Variants in DNAJC5B observed in about 807,000 individuals in gnomAD.
The protein encoded by DNAJC5B is dnaJ homolog subfamily C member 5B.
Under a neutral mutation model 24.7 loss-of-function variants are expected in DNAJC5B, and 23 were observed. The observed-to-expected ratio is 0.93, with a 90% CI of 0.67 to 1.32. The LOEUF is 1.32. Ranked by LOEUF, DNAJC5B falls within the 40% of genes most tolerant of loss-of-function variation. The probability of loss-of-function intolerance (pLI) is 0.00; values close to 1 mark genes in which losing one functional copy is unlikely to be tolerated. For synonymous variants in DNAJC5B, 101 were observed against 90.1 expected (o/e 1.12, Z -0.68); for missense variants, 238 against 240.8 (o/e 0.99, Z 0.08).
intron 5 of DNAJC5B, among the ~76,000 whole-genome samples, chr8:66,097,938 C>T (rs77563415): frequency 6.6e-6 from 1 of 152,182 alleles, no homozygotes; most frequent in South Asian, 2.1e-4. Context: ...CAACCTCCAC[C>T]TCCTGGGTTC....
intron 3 of DNAJC5B, among the ~76,000 whole-genome samples, chr8:66,064,223 C>T (rs1032433730): frequency 7.9e-5 from 12 of 152,072 alleles, no homozygotes; most frequent in Admixed American, 2.0e-4. Flanking sequence ...GAGAGCTTGA[C>T]GTAAAGATCA....
intron 3 of DNAJC5B, 83 bp downstream of exon 3, chr8:66,051,749 T>C: frequency 9.3e-7 from 1 of 1,070,618 alleles, no homozygotes; most frequent in South Asian, 1.4e-5. Context: ...AGACATAAGC[T>C]TCTCACTAAG....
In DNAJC5B at chr8:66,099,978, G is replaced by A. The variant is rs1348937644; in HGVS notation, c.547G>A (p.Glu183Lys). 6.2e-7 allele frequency: 1 copy of A among 1,613,876 alleles called. No individual in the cohort carries two copies. Among genetic ancestry groups the A allele is most frequent in the Non-Finnish European group, 8.5e-7 (1 of 1,179,934 alleles). Residue 183 changes from glutamate (E) to lysine (K), a missense_variant, in exon 6 of 6, where the codon GAG becomes AAG. Transcript: ENST00000276570. ...PVFLQPTNAN[E>K]KTQLIKEGSR... Reference sequence around the variant, plus strand: ...TTTTCTCCAGCCTACAAATGCAAATGAGAAAACACAGCTAATCAAAGAAGG... The same window carrying A: ...TTTTCTCCAGCCTACAAATGCAAATAAGAAAACACAGCTAATCAAAGAAGG...
the DNAJC5B span, among the ~76,000 whole-genome samples, chr8:66,016,067 A>G: frequency 2.0e-5 from 3 of 152,236 alleles, 1 homozygote; most frequent in African/African-American, 7.2e-5. Flanking sequence ...AGACTAAGGC[A>G]CTGGCCTTGG....
At chr8:66,079,477 A>T (rs576360175) in intron 4 of DNAJC5B, among the ~76,000 whole-genome samples, 4 of 152,294 alleles carry the variant, frequency 2.6e-5, no homozygotes, top group South Asian at 4.1e-4. Flanking sequence ...CATAGAAGGG[A>T]TCTTTAAGAT....
intron 3 of DNAJC5B, among the ~76,000 whole-genome samples, chr8:66,063,865 A>G (rs969152251): frequency 3.3e-5 from 5 of 152,116 alleles, no homozygotes; most frequent in African/African-American, 1.2e-4. Flanking sequence ...CTTGTCTTTG[A>G]GACATATCTT....
At chr8:66,092,812 A>T (rs554088041) in intron 5 of DNAJC5B, among the ~76,000 whole-genome samples, 4 of 152,154 alleles carry the variant, frequency 2.6e-5, no homozygotes, top group South Asian at 2.1e-4. Flanking sequence ...TTTCTTTTTT[A>T]AAAAAATAGT....
chr8:66,088,389 G>C (rs1405114916), intron 5 of DNAJC5B, among the ~76,000 whole-genome samples: 2 of 152,152 alleles, frequency 1.3e-5, no homozygotes, highest in Non-Finnish European at 1.5e-5. Context: ...GTGAAGGTCT[G>C]TACATGCCCT....
chr8:66,030,195 C>T (rs995227069), intron 1 of DNAJC5B, among the ~76,000 whole-genome samples: 6 of 152,112 alleles, frequency 3.9e-5, no homozygotes, highest in South Asian at 4.2e-4. Flanking sequence ...TGATAGACTT[C>T]GTAGTCTTCA....
intron 5 of DNAJC5B, among the ~76,000 whole-genome samples, chr8:66,087,980 A>C (rs1440504559): frequency 6.6e-6 from 1 of 152,188 alleles, no homozygotes; most frequent in Non-Finnish European, 1.5e-5. Context: ...GTGCCCCAGT[A>C]GGGACTGTGT....
chr8:66,094,742 G>T (rs1375609480), intron 5 of DNAJC5B, among the ~76,000 whole-genome samples: 1 of 152,000 alleles, frequency 6.6e-6, no homozygotes, highest in Non-Finnish European at 1.5e-5. Context: ...TAATTAGTAG[G>T]TTTGCCGTAG....
upstream of DNAJC5B, among the ~76,000 whole-genome samples, chr8:66,018,753 A>ATG (rs35692542): frequency 8.9e-3 from 1,343 of 151,654 alleles, 7 homozygotes; most frequent in Middle Eastern, 0.017. Flanking sequence ...ATATATATAT[A>ATG]AAGTAGGTGA....
intron 5 of DNAJC5B, among the ~76,000 whole-genome samples, chr8:66,086,225 C>T (rs911382723): frequency 2.6e-5 from 4 of 152,198 alleles, no homozygotes; most frequent in Non-Finnish European, 4.4e-5. Context: ...ATTATATCAT[C>T]TACAAATAGA....
At chr8:66,058,269 TTTTTTCTTTAAAGGCTGTC>T (rs1360309723) in intron 3 of DNAJC5B, among the ~76,000 whole-genome samples, 3 of 152,206 alleles carry the variant, frequency 2.0e-5, no homozygotes, top group Non-Finnish European at 1.5e-5. Context: ...AAGTCTGTCT[TTTTTTCTTTAAAGGCTGTC>T]TTTTTAAAAC....
chr8:66,046,277 C>A (rs147083989), intron 2 of DNAJC5B, among the ~76,000 whole-genome samples: 1 of 152,316 alleles, frequency 6.6e-6, no homozygotes, highest in East Asian at 1.9e-4. Flanking sequence ...TCTTAGTCCA[C>A]GTGCAGGCTC....
At chr8:66,064,459 G>A (rs1356763344) in intron 3 of DNAJC5B, among the ~76,000 whole-genome samples, 1 of 152,160 alleles carries the variant, frequency 6.6e-6, no homozygotes, top group Non-Finnish European at 1.5e-5. Flanking sequence ...ATTGAAAGTA[G>A]GAGACAAGAT....
chr8:66,026,507 T>C lies in DNAJC5B; in HGVS notation c.-142+4802T>C, dbSNP rs1806246728. 2.6e-5 allele frequency among the ~76,000 whole-genome samples: 4 copies of C among 152,348 alleles called. No individual in the cohort carries two copies. The East Asian group carries it at 7.7e-4, about 29-fold the overall frequency. The stretch of plus-strand genomic sequence containing the variant: ...CAAAAGGAAGCTACCTCTCTGAAGA[T>C]CCTGAGAGAGCAGAGTCTCCTCTTG... On this transcript the variant is annotated intron_variant, in intron 1 of 5. Transcript: ENST00000276570.
At chr8:66,099,900 A>G (rs770116951) in intron 5 of DNAJC5B, 37 bp from the exon 6 acceptor site, 1 of 1,578,060 alleles carries the variant, frequency 6.3e-7, no homozygotes, top group South Asian at 1.1e-5. Flanking sequence ...CTGTAACATG[A>G]TGAGAGTGTT....
At chr8:66,030,248 C>G (rs1806330976) in intron 1 of DNAJC5B, among the ~76,000 whole-genome samples, 1 of 152,208 alleles carries the variant, frequency 6.6e-6, no homozygotes, top group South Asian at 2.1e-4. Context: ...AGCTCAGAGT[C>G]ATGACCAGAA....
Sources: allele counts gnomAD v4.1 joint callset (sites outside exome capture counted in the v4.1 genomes callset), GRCh38; gene constraint gnomAD v4.1.1; transcripts MANE v1.5; gene names NCBI Gene and HGNC (gene_info 2026-07-23, HGNC 2026-07-21).